The following ATG5 variants were observed in gnomAD, a reference collection of about 807,000 sequenced individuals.
ATG5 encodes autophagy protein 5.
ATG5 carries 14 observed loss-of-function variants against 36.5 expected under a neutral mutation model. That is an observed-to-expected ratio of 0.38 (90% confidence interval 0.25 to 0.60). ATG5 has a LOEUF of 0.60. ATG5 is among the 20% of genes least tolerant of loss of function. The pLI, the probability that ATG5 is intolerant of heterozygous loss-of-function variation, is 0.60. For synonymous variants in ATG5, 95 were observed against 101.5 expected (o/e 0.94, Z 0.38); for missense variants, 195 against 326.7 (o/e 0.60, Z 3.11).
chr6:106,212,596 C>G (rs1193230399), intron 6 of ATG5, among the ~76,000 whole-genome samples: 1 of 152,136 alleles, frequency 6.6e-6, no homozygotes, highest in African/African-American at 2.4e-5. Flanking sequence ...CTGACACCGT[C>G]CCACTGCACT....
At position 106,221,461 on chromosome 6, in the gene ATG5, G is replaced by A. The variant is rs554176528; in HGVS notation, c.574-19372C>T. Among the ~76,000 whole-genome samples the A allele has an allele frequency of 7.2e-5, 11 of 152,140 alleles. No individual in the cohort carries two copies. In the East Asian group the frequency reaches 9.7e-4, roughly 13 times the overall value. ...AGCACTTTGGGAGGCCAAGATGGGC[G>A]GATCACTTGAGCCCAGGAATTCGAG... is the stretch of plus-strand genomic sequence containing the variant. On this transcript the variant is annotated intron_variant, in intron 6 of 7. Coordinates refer to ENST00000369076, the MANE Select transcript of ATG5 (RefSeq NM_004849.4).
At chr6:106,303,742 T>G (rs757959282) in intron 3 of ATG5, among the ~76,000 whole-genome samples, 2 of 152,082 alleles carry the variant, frequency 1.3e-5, no homozygotes, top group Non-Finnish European at 2.9e-5. Context: ...GTATACAAGG[T>G]TGGTCCAACA....
At chr6:106,308,559 T>A in intron 2 of ATG5, 68 bp from the exon 3 acceptor site, 1 of 1,259,438 alleles carries the variant, frequency 7.9e-7, no homozygotes, top group African/African-American at 1.6e-5. Context: ...CTAAGTAGGT[T>A]TTTGAATTTT....
At chr6:106,269,882 G>A (rs1033968885) in intron 5 of ATG5, among the ~76,000 whole-genome samples, 1 of 152,190 alleles carries the variant, frequency 6.6e-6, no homozygotes, top group South Asian at 2.1e-4. Flanking sequence ...AAGGGCTCAA[G>A]TGCCCCCAAA....
intron 6 of ATG5, among the ~76,000 whole-genome samples, chr6:106,229,705 A>AGTC (rs1187287297): frequency 6.6e-6 from 1 of 152,206 alleles, no homozygotes; most frequent in East Asian, 1.9e-4. Context: ...TGAAAACACT[A>AGTC]AGACCACTGA....
intron 6 of ATG5, among the ~76,000 whole-genome samples, chr6:106,237,074 C>T (rs552018344): frequency 2.0e-5 from 3 of 152,144 alleles, no homozygotes; most frequent in Admixed American, 6.5e-5. Context: ...ACTCCACATC[C>T]ACTGTACCTG....
At chr6:106,250,427 A>C (rs1778527746) in intron 5 of ATG5, among the ~76,000 whole-genome samples, 1 of 152,208 alleles carries the variant, frequency 6.6e-6, no homozygotes. Flanking sequence ...GATGATAACT[A>C]AGGCCCAGAT....
At position 106,186,275 on chromosome 6, in the gene ATG5, T is replaced by C. The variant is rs954332901; in HGVS notation, c.*265A>G. On this transcript the variant is annotated 3_prime_UTR_variant, in exon 8 of 8. Coordinates refer to ENST00000369076, the MANE Select transcript of ATG5 (RefSeq NM_004849.4). ...TAGGCCAAAGGTTTCAGCTTCATTA[T>C]ATTTTACAGAAGACCTTCAGTGGTC... 13 of 385,462 alleles carry C rather than the reference T, an allele frequency of 3.4e-5. No homozygotes were observed. Among genetic ancestry groups the C allele is most frequent in the Non-Finnish European group, 6.0e-5 (13 of 215,716 alleles). 23.9% of individuals were successfully genotyped at this position (385,462 alleles called of 1,614,324 possible). A position where few individuals can be genotyped will look rare whatever the true frequency, so the allele number is the denominator to read the frequency against.
intron 5 of ATG5, among the ~76,000 whole-genome samples, chr6:106,251,058 C>T (rs915852360): frequency 6.6e-6 from 1 of 152,210 alleles, no homozygotes; most frequent in African/African-American, 2.4e-5. Flanking sequence ...CAGAATCTAG[C>T]ACTCCAAAGG....
At chr6:106,200,749 G>C (rs1265412309) in intron 7 of ATG5, among the ~76,000 whole-genome samples, 1 of 152,160 alleles carries the variant, frequency 6.6e-6, no homozygotes, top group Non-Finnish European at 1.5e-5. Context: ...CAAAGTGCTA[G>C]GATTACGCGT....
intron 6 of ATG5, among the ~76,000 whole-genome samples, chr6:106,242,493 T>C (rs1013824741): frequency 6.6e-6 from 1 of 152,120 alleles, no homozygotes; most frequent in African/African-American, 2.4e-5. Flanking sequence ...TTTTGGAGAA[T>C]GAATGTACAA....
chr6:106,227,176 AAG>A (rs1489567127), intron 6 of ATG5, among the ~76,000 whole-genome samples: 1 of 152,208 alleles, frequency 6.6e-6, no homozygotes, highest in Non-Finnish European at 1.5e-5. Flanking sequence ...CTGAAATATA[AAG>A]AGAGACTCTC....
chr6:106,296,724 A>G (rs1769957358), intron 3 of ATG5, among the ~76,000 whole-genome samples: 1 of 152,222 alleles, frequency 6.6e-6, no homozygotes, highest in African/African-American at 2.4e-5. Flanking sequence ...AGGCTGAGAC[A>G]GGTGAATTAC....
At chr6:106,198,124 A>T (rs561194424) in intron 7 of ATG5, among the ~76,000 whole-genome samples, 2 of 152,332 alleles carry the variant, frequency 1.3e-5, no homozygotes, top group East Asian at 1.9e-4. Context: ...AAAATGAACT[A>T]AAAAAGTAAG....
intron 6 of ATG5, among the ~76,000 whole-genome samples, chr6:106,219,112 CTTT>C (rs1465206313): frequency 3.9e-5 from 6 of 152,050 alleles, no homozygotes; most frequent in African/African-American, 1.4e-4. Context: ...AGAATAAATT[CTTT>C]TGTTTTATAA....
chr6:106,209,459 TATAAC>T (rs1776773335), intron 6 of ATG5, among the ~76,000 whole-genome samples: 1 of 152,180 alleles, frequency 6.6e-6, no homozygotes, highest in African/African-American at 2.4e-5. Flanking sequence ...ACTCCACTGA[TATAAC>T]ATTAGTGAAA....
At chr6:106,207,656 A>G (rs1057261906) in intron 6 of ATG5, among the ~76,000 whole-genome samples, 8 of 152,242 alleles carry the variant, frequency 5.3e-5, no homozygotes, top group African/African-American at 1.9e-4. Flanking sequence ...ACAAGAAATG[A>G]TGATTTACTA....
intron 6 of ATG5, among the ~76,000 whole-genome samples, chr6:106,218,333 G>T (rs1044154199): frequency 6.6e-6 from 1 of 152,024 alleles, no homozygotes; most frequent in African/African-American, 2.4e-5. Flanking sequence ...TTTATTTAAG[G>T]CTCCAAAAGC....
chr6:106,257,039 T>C (rs1423144940), intron 5 of ATG5, among the ~76,000 whole-genome samples: 1 of 152,194 alleles, frequency 6.6e-6, no homozygotes, highest in Non-Finnish European at 1.5e-5. Context: ...TAAAAATTTA[T>C]TTTTTTAACT....
Sources: gnomAD v4.1 joint callset for allele counts (sites outside exome capture counted in the v4.1 genomes callset) on GRCh38, gnomAD v4.1.1 for gene constraint, MANE v1.5 for transcripts, NCBI Gene and HGNC (gene_info 2026-07-23, HGNC 2026-07-21) for gene names.